Variants in CMYA5 observed in about 807,000 individuals in gnomAD.
The protein encoded by CMYA5 is cardiomyopathy-associated protein 5.
Under a neutral mutation model 318.9 loss-of-function variants are expected in CMYA5, and 246 were observed. The observed-to-expected ratio is 0.77, with a 90% CI of 0.70 to 0.86. The LOEUF is 0.86. Among genes scored for constraint, CMYA5 ranks in the 40% least tolerant of loss-of-function variants. CMYA5 has a pLI of 0.00. For synonymous variants in CMYA5, 1,641 were observed against 1,729.5 expected (o/e 0.95, Z 1.27); for missense variants, 4,589 against 4,678.2 (o/e 0.98, Z 0.56).
At chr5:79,716,757 T>G (rs1827525613) in intron 1 of CMYA5, among the ~76,000 whole-genome samples, 1 of 152,164 alleles carries the variant, frequency 6.6e-6, no homozygotes, top group African/African-American at 2.4e-5. Flanking sequence ...GTTGTACAGG[T>G]GAGGGCTTAG....
intron 9 of CMYA5, among the ~76,000 whole-genome samples, chr5:79,785,531 CT>C (rs1829068020): frequency 6.6e-6 from 1 of 151,796 alleles, no homozygotes; most frequent in Non-Finnish European, 1.5e-5. Context: ...ATTTTTATGT[CT>C]GTCACTATTC....
intron 12 of CMYA5, among the ~76,000 whole-genome samples, chr5:79,795,943 A>G (rs1829266837): frequency 6.6e-6 from 1 of 152,206 alleles, no homozygotes; most frequent in Non-Finnish European, 1.5e-5. Context: ...GTCAGGCCCC[A>G]CGCAGGCAGG....
chr5:79,744,022 A>C (rs1414573712), intron 3 of CMYA5, 100 bp downstream of exon 3: 3 of 577,848 alleles, frequency 5.2e-6, no homozygotes, highest in Non-Finnish European at 5.9e-6. Flanking sequence ...TTTTATGCGC[A>C]TGTGTTGTTT....
rs775915262 is a variant in CMYA5, at chr5:79,732,298, C to G, written c.3533C>G (p.Pro1178Arg). The G allele has an allele frequency of 6.2e-7, 1 of 1,613,836 alleles. No homozygotes were observed. Among genetic ancestry groups the G allele is most frequent in the East Asian group, 2.2e-5 (1 of 44,858 alleles). ...SPHSVLPDSV[P>R]AIKKEQEPTA... ...CATTCAGTTTTACCTGATTCAGTCC[C>G]TGCAATCAAGAAAGAACAGGAACCC... Residue 1178 changes from proline (P) to arginine (R), a missense_variant, in exon 2 of 13, where the codon CCT becomes CGT. This residue lies in a region of CMYA5 where 2,132 missense variants were observed against 2,131.3 expected (regional missense o/e 1.00). Coordinates refer to ENST00000446378, the MANE Select transcript of CMYA5 (RefSeq NM_153610.5).
rs192860598 is a variant in CMYA5, at chr5:79,742,247, C to T, written c.10639-1580C>T. Among the ~76,000 whole-genome samples, 136 of 150,770 alleles carry T rather than the reference C, an allele frequency of 9.0e-4. 3 individuals carry two copies. The highest frequency in any genetic ancestry group is 2.9e-3 in the African/African-American group (118 of 41,042). On this transcript the variant is annotated intron_variant, in intron 2 of 12. Coordinates refer to ENST00000446378, the MANE Select transcript of CMYA5 (RefSeq NM_153610.5). Reference sequence around the variant, plus strand: ...CTCTGTTGCCCAGGGTAGAGTGCAGCGGCGTGATCATCATAGCTCGCTGAA... The same window carrying T: ...CTCTGTTGCCCAGGGTAGAGTGCAGTGGCGTGATCATCATAGCTCGCTGAA...
In CMYA5 at chr5:79,763,220, C is replaced by A; in HGVS notation, c.11555+11C>A. On this transcript the variant is annotated intron_variant, in intron 9 of 12. Coordinates refer to ENST00000446378, the MANE Select transcript of CMYA5 (RefSeq NM_153610.5). ...GGGAGAGGGCCTCAGGTGAGGGGCC[C>A]TCTCCATGGGAGAGACTGCCCAGAG... 1 of 1,587,572 alleles carries A rather than the reference C, an allele frequency of 6.3e-7. No homozygotes were observed. The highest frequency in any genetic ancestry group is 2.3e-5 in the East Asian group (1 of 43,710).
intron 1 of CMYA5, among the ~76,000 whole-genome samples, chr5:79,716,459 C>T (rs1827519038): frequency 6.6e-6 from 1 of 152,176 alleles, no homozygotes; most frequent in Admixed American, 6.5e-5. Flanking sequence ...GTAATTGCGG[C>T]TTTTGCCACA....
intron 9 of CMYA5, among the ~76,000 whole-genome samples, chr5:79,788,175 C>G (rs1326326519): frequency 6.6e-6 from 1 of 151,696 alleles, no homozygotes; most frequent in African/African-American, 2.4e-5. Context: ...ACTCTAAGGA[C>G]TCTCCAAATG....
rs756315751 is a variant in CMYA5, at chr5:79,738,068, A to G, written c.9303A>G (p.Ala3101=). 1 of 1,613,522 alleles carries G rather than the reference A, an allele frequency of 6.2e-7. No homozygotes were observed. The highest frequency in any genetic ancestry group is 1.1e-5 in the South Asian group (1 of 90,972). The change falls in exon 2 of 13, where the codon GCA becomes GCG. Residue 3101 remains alanine (A), a synonymous_variant. Transcript: ENST00000446378. The stretch of plus-strand genomic sequence containing the variant: ...TCCCAGTAAGTTCAGTGGAAAGTGC[A>G]CTAGAACATGAATATGACTTGGTGA... ...ISFPVSSVES[A]LEHEYDLVKL...
intron 1 of CMYA5, among the ~76,000 whole-genome samples, chr5:79,697,490 G>C (rs1237675724): frequency 6.6e-6 from 1 of 152,220 alleles, no homozygotes; most frequent in African/African-American, 2.4e-5. Flanking sequence ...CCAGATAAGA[G>C]GAGGGAAACC....
At position 79,739,310 on chromosome 5, in the gene CMYA5, C is replaced by A. The variant is rs1400288545; in HGVS notation, c.10545C>A (p.Thr3515=). The change falls in exon 2 of 13, where the codon ACC becomes ACA. Residue 3515 remains threonine, a synonymous_variant. Transcript: ENST00000446378. ...CCCAGATTGACACATACTGTTACACCTGCAAATGTCCAATTTCTGCCACTG... is the reference window on the plus strand; with the variant it reads ...CCCAGATTGACACATACTGTTACACATGCAAATGTCCAATTTCTGCCACTG... ...KKSQIDTYCY[T]CKCPISATDK... is the part of the protein sequence containing the mutation. 3 of 1,596,384 alleles carry A rather than the reference C, an allele frequency of 1.9e-6. No individual in the cohort carries two copies. The highest frequency in any genetic ancestry group is 2.6e-6 in the Non-Finnish European group (3 of 1,171,484).
chr5:79,713,542 A>G (rs1412329946), intron 1 of CMYA5, among the ~76,000 whole-genome samples: 1 of 151,914 alleles, frequency 6.6e-6, no homozygotes, highest in African/African-American at 2.4e-5. Context: ...GTTGAGTTTT[A>G]TGCTTTTCGC....
rs1829133797 is a variant in CMYA5 at position 79,789,162 on chromosome 5, C to G, written c.11689+58C>G. On this transcript the variant is annotated intron_variant, in intron 10 of 12. Transcript: ENST00000446378. ...CCAAGCTATTTCTTCCCTTCCACCC[C>G]TCAGAGAAGATGTCCTAGAGGGCAA... is the stretch of plus-strand genomic sequence containing the variant. The G allele has an allele frequency of 5.6e-6, 9 of 1,594,814 alleles. No individual in the cohort carries two copies. The East Asian group carries it at 1.8e-4, about 32-fold the overall frequency.
chr5:79,755,644 C>A (rs527983752), intron 6 of CMYA5, among the ~76,000 whole-genome samples: 1 of 152,118 alleles, frequency 6.6e-6, no homozygotes, highest in Admixed American at 6.5e-5. Context: ...TGCTAAACTC[C>A]GGGTCTCTGA....
Position 79,735,739 on chromosome 5 carries a change from A to C in CMYA5, c.6974A>C (p.Glu2325Ala). 1 of 1,591,126 alleles carries C rather than the reference A, an allele frequency of 6.3e-7. No individual in the cohort carries two copies. Among genetic ancestry groups the C allele is most frequent in the Non-Finnish European group, 8.5e-7 (1 of 1,172,924 alleles). Residue 2325 changes from glutamate to alanine, a missense_variant, in exon 2 of 13, where the codon GAG (glutamate) becomes GCG (alanine). Around this residue, in one of 3 missense-constraint regions of CMYA5, gnomAD observed 2,431 missense variants for 2,495.1 expected, o/e 0.97. Transcript: ENST00000446378. ...LEIQSYSLIG[E>A]KLVMEEAKTI... ...ATTCAATCTTATTCACTAATCGGTG[A>C]GAAATTGGTTATGGAAGAAGCCAAA...
At chr5:79,696,311 G>A (rs1827064893) in intron 1 of CMYA5, among the ~76,000 whole-genome samples, 1 of 152,130 alleles carries the variant, frequency 6.6e-6, no homozygotes, top group South Asian at 2.1e-4. Flanking sequence ...ATCATAGACG[G>A]AAAAATAAGA....
In CMYA5 at chr5:79,730,077, G is replaced by A; in HGVS notation, c.1312G>A (p.Ala438Thr). 1.9e-6 allele frequency: 3 copies of A among 1,613,756 alleles called. No individual in the cohort carries two copies. Among genetic ancestry groups the A allele is most frequent in the Non-Finnish European group, 2.5e-6 (3 of 1,179,878 alleles). The change falls in exon 2 of 13, where the codon GCA (alanine) becomes ACA (threonine). Residue 438 changes from alanine (A) to threonine (T), a missense_variant. This residue lies in a region of CMYA5 where 2,132 missense variants were observed against 2,131.3 expected (regional missense o/e 1.00). Transcript: ENST00000446378. ...TGCTCACCATTCCATTTCTCTGGAGGCAGCGTCACCAGGTCTGGCAGCATC... is the reference window on the plus strand; with the variant it reads ...TGCTCACCATTCCATTTCTCTGGAGACAGCGTCACCAGGTCTGGCAGCATC... ...YSAHHSISLE[A>T]ASPGLAASTQ...
chr5:79,715,984 A>G (rs1031737304), intron 1 of CMYA5, among the ~76,000 whole-genome samples: 4 of 152,190 alleles, frequency 2.6e-5, no homozygotes, highest in South Asian at 4.1e-4. Context: ...GGAGATCTGT[A>G]TGGGATCGTG....
chr5:79,743,260 C>T (rs577608966), intron 2 of CMYA5, among the ~76,000 whole-genome samples: 1 of 152,292 alleles, frequency 6.6e-6, no homozygotes, highest in Admixed American at 6.5e-5. Context: ...CCTATCACCC[C>T]ATACGTTTTC....
Sources: allele counts gnomAD v4.1 joint callset (sites outside exome capture counted in the v4.1 genomes callset), GRCh38; gene constraint gnomAD v4.1.1; regional missense constraint gnomAD v4.1.1; transcripts MANE v1.5; gene names NCBI Gene and HGNC (gene_info 2026-07-23, HGNC 2026-07-21).